SMIM7: variants seen among roughly 807,000 people sequenced by gnomAD.
SMIM7 encodes UPF0608 protein C19orf42.
SMIM7 carries 12 observed loss-of-function variants against 13.3 expected under a neutral mutation model. That is an observed-to-expected ratio of 0.90 (90% confidence interval 0.58 to 1.46). The LOEUF is 1.46. SMIM7 is among the 40% of genes most tolerant of loss of function. The pLI is 0.00. For synonymous variants in SMIM7, 36 were observed against 35.8 expected (o/e 1.01, Z -0.02); for missense variants, 114 against 94.8 (o/e 1.20, Z -0.84).
chr19:16,642,832 T>C (rs1336324701), downstream of SMIM7, among the ~76,000 whole-genome samples: 1 of 150,876 alleles, frequency 6.6e-6, no homozygotes. Context: ...TCTTTTTTTT[T>C]TTTTTTTTTG....
At position 16,646,889 on chromosome 19, in the gene SMIM7, A is replaced by C. The variant is rs1263655773; in HGVS notation, c.*357T>G. The C allele has an allele frequency of 9.3e-6, 3 of 323,398 alleles. No individual in the cohort carries two copies. The South Asian group carries it at 1.1e-4, about 12-fold the overall frequency. The allele number at this position is 323,398 out of a possible 1,614,324, so 20.0% of individuals were successfully genotyped here. ...CAGCAAGTAACACTGAATGTCCAAA[A>C]ATACGGCTGTGTTAAACTAACAAGC... On this transcript the variant is annotated 3_prime_UTR_variant, in exon 5 of 5. Transcript: ENST00000487416.
intron 4 of SMIM7, chr19:16,652,306 A>T (rs1188858264): frequency 6.5e-6 from 1 of 153,800 alleles, no homozygotes; most frequent in African/African-American, 2.4e-5. Context: ...GGCTCAAGTG[A>T]TTCTCCCACC....
chr19:16,654,132 G>A lies in SMIM7; in HGVS notation c.122-7C>T, dbSNP rs761475759. On this transcript the variant is annotated splice_polypyrimidine_tract_variant and splice_region_variant and intron_variant, in intron 3 of 4. Coordinates refer to ENST00000487416, the MANE Select transcript of SMIM7 (RefSeq NM_024104.4). ...AATTCCCGGATGTTGTCACCTGGAA[G>A]AATCAGAAAGCACTTTTATGGCACA... 1 of 1,612,350 alleles carries A rather than the reference G, an allele frequency of 6.2e-7. No individual in the cohort carries two copies. Among genetic ancestry groups the A allele is most frequent in the Admixed American group, 1.7e-5 (1 of 59,976 alleles).
At position 16,660,095 on chromosome 19, in the gene SMIM7, G is replaced by A. The variant is rs766204300; in HGVS notation, c.16C>T (p.Leu6=). 2 of 1,614,100 alleles carry A rather than the reference G, an allele frequency of 1.2e-6. No individual in the cohort carries two copies. Among genetic ancestry groups the A allele is most frequent in the East Asian group, 2.2e-5 (1 of 44,896 alleles). The part of the protein sequence containing the change: MIGDI[L]LFGTLLMNAG... ...GGTCCCCCTAATTACCCGAACAGCA[G>A]GATGTCTCCGATCATCGTTACGGCC... The change falls in exon 1 of 5, where the codon CTG becomes TTG. Residue 6 remains leucine, a synonymous_variant. Coordinates refer to ENST00000487416, the MANE Select transcript of SMIM7 (RefSeq NM_024104.4).
intron 4 of SMIM7, among the ~76,000 whole-genome samples, chr19:16,650,836 C>T (rs181039151): frequency 2.2e-4 from 33 of 152,326 alleles, no homozygotes; most frequent in Non-Finnish European, 3.7e-4. Flanking sequence ...CTTCCAACTC[C>T]CTGGCTAAAC....
At chr19:16,645,770 T>C (rs931192357), downstream of SMIM7, 1 of 151,766 alleles carries the variant, frequency 6.6e-6, no homozygotes, top group Non-Finnish European at 1.5e-5. Context: ...TAAGCAATTC[T>C]TGTGCCTCAG....
chr19:16,654,133 A>C lies in SMIM7; in HGVS notation c.122-8T>G. 1 of 1,612,650 alleles carries C rather than the reference A, an allele frequency of 6.2e-7. No homozygotes were observed. Among genetic ancestry groups the C allele is most frequent in the Non-Finnish European group, 8.5e-7 (1 of 1,178,758 alleles). The stretch of plus-strand genomic sequence containing the variant: ...ATTCCCGGATGTTGTCACCTGGAAG[A>C]ATCAGAAAGCACTTTTATGGCACAG... On this transcript the variant is annotated splice_polypyrimidine_tract_variant and splice_region_variant and intron_variant, in intron 3 of 4. Coordinates refer to ENST00000487416, the MANE Select transcript of SMIM7 (RefSeq NM_024104.4).
At chr19:16,657,509 G>A (rs1383732081) in intron 3 of SMIM7, among the ~76,000 whole-genome samples, 2 of 152,200 alleles carry the variant, frequency 1.3e-5, no homozygotes, top group African/African-American at 4.8e-5. Flanking sequence ...GTGCACAACC[G>A]CTAGAGTCAG....
rs2086459346 is a variant in SMIM7, at chr19:16,647,172, T to C, written c.*74A>G. ...GTCGGTTTTCTGGTCAAAAACATTCTTGAAGTCATCAGGAATGGAGGAATG... is the reference window on the plus strand; with the variant it reads ...GTCGGTTTTCTGGTCAAAAACATTCCTGAAGTCATCAGGAATGGAGGAATG... On this transcript the variant is annotated 3_prime_UTR_variant, in exon 5 of 5. Coordinates refer to ENST00000487416, the MANE Select transcript of SMIM7 (RefSeq NM_024104.4). The C allele has an allele frequency of 1.9e-6, 3 of 1,591,276 alleles. No homozygotes were observed. The highest frequency in any genetic ancestry group is 2.2e-5 in the South Asian group (2 of 89,986).
chr19:16,649,652 T>C (rs2086493948), intron 4 of SMIM7, among the ~76,000 whole-genome samples: 1 of 152,134 alleles, frequency 6.6e-6, no homozygotes, highest in African/African-American at 2.4e-5. Context: ...ACTAAAAACA[T>C]AAATCTGTAC....
At chr19:16,650,508 G>C (rs747103563) in intron 4 of SMIM7, among the ~76,000 whole-genome samples, 1 of 152,104 alleles carries the variant, frequency 6.6e-6, no homozygotes, top group African/African-American at 2.4e-5. Flanking sequence ...TCAGGAGTTC[G>C]AGACCAGCCT....
downstream of SMIM7, among the ~76,000 whole-genome samples, chr19:16,643,064 A>T (rs550811016): frequency 6.6e-6 from 1 of 152,154 alleles, no homozygotes; most frequent in Admixed American, 6.5e-5. Context: ...GGCCTCCCAA[A>T]GTGCTGGGAT....
At chr19:16,635,899 A>AAAAAAAAAATATATAT (rs1200181092) in intron 4 of SMIM7, among the ~76,000 whole-genome samples, 1 of 109,600 alleles carries the variant, frequency 9.1e-6, no homozygotes, top group African/African-American at 4.3e-5. Context: ...AAAAAAAAAA[A>AAAAAAAAAATATATAT]ATATATATAT....
chr19:16,658,798 G>C (rs2086628942), intron 3 of SMIM7, among the ~76,000 whole-genome samples: 1 of 151,968 alleles, frequency 6.6e-6, no homozygotes, highest in Non-Finnish European at 1.5e-5. Flanking sequence ...GCCAAGCTAG[G>C]GCCTCTTCTC....
intron 4 of SMIM7, among the ~76,000 whole-genome samples, chr19:16,649,723 T>G (rs575086087): frequency 1.6e-4 from 25 of 152,236 alleles, no homozygotes; most frequent in African/African-American, 5.1e-4. Context: ...ATACAAACAT[T>G]TCAACTGTCC....
downstream of SMIM7, chr19:16,645,162 C>A (rs962801515): frequency 1.3e-5 from 2 of 152,112 alleles, no homozygotes; most frequent in African/African-American, 4.8e-5. Context: ...GTACAGCAGC[C>A]ACCAACCAGC....
At chr19:16,638,293 T>C (rs938256880) in intron 4 of SMIM7, among the ~76,000 whole-genome samples, 2 of 144,692 alleles carry the variant, frequency 1.4e-5, no homozygotes, top group Non-Finnish European at 3.0e-5. Context: ...AAACCTCTTT[T>C]CTTTTTTCTT....
intron 4 of SMIM7, chr19:16,653,730 C>T (rs1268381301): frequency 2.8e-6 from 1 of 362,876 alleles, no homozygotes; most frequent in Admixed American, 4.6e-5. Context: ...CCCGTCTCTA[C>T]TAAAAATACA....
intron 4 of SMIM7, among the ~76,000 whole-genome samples, chr19:16,653,282 T>C (rs1420881775): frequency 6.6e-6 from 1 of 152,192 alleles, no homozygotes; most frequent in Non-Finnish European, 1.5e-5. Context: ...CACTTACTTA[T>C]TTTGAAAACA....
Sources: allele counts gnomAD v4.1 joint callset (sites outside exome capture counted in the v4.1 genomes callset), GRCh38; gene constraint gnomAD v4.1.1; transcripts MANE v1.5; gene names NCBI Gene and HGNC (gene_info 2026-07-23, HGNC 2026-07-21).